Variants in KALRN observed in about 807,000 individuals in gnomAD.
KALRN encodes the protein kalirin.
KALRN carries 70 observed loss-of-function variants against 353.7 expected under a neutral mutation model. The ratio of observed to expected loss-of-function variants is 0.20; its 90% CI spans 0.16 to 0.24. The LOEUF (loss-of-function observed/expected upper bound fraction) is 0.24, where lower values mean the gene tolerates loss of function less well. Among genes scored for constraint, KALRN ranks in the 10% least tolerant of loss-of-function variants. The pLI, the probability that KALRN is intolerant of heterozygous loss-of-function variation, is 1.00. For synonymous variants in KALRN, 1,391 were observed against 1,434.8 expected (o/e 0.97, Z 0.69); for missense variants, 2,791 against 3,756.7 (o/e 0.74, Z 6.72).
At chr3:124,318,217 C>CTG in intron 6 of KALRN, among the ~76,000 whole-genome samples, 1 of 152,322 alleles carries the variant, frequency 6.6e-6, no homozygotes. Context: ...TGTTCCTTTT[C>CTG]TGTCTCCATC....
At chr3:124,391,871 C>T (rs578135580) in intron 11 of KALRN, among the ~76,000 whole-genome samples, 20 of 152,242 alleles carry the variant, frequency 1.3e-4, no homozygotes, top group Non-Finnish European at 2.1e-4. Context: ...AGGCTTTCCT[C>T]GGTTATCCTG....
chr3:124,345,718 T>C (rs1195533500), intron 9 of KALRN, among the ~76,000 whole-genome samples: 1 of 152,248 alleles, frequency 6.6e-6, no homozygotes, highest in Non-Finnish European at 1.5e-5. Context: ...AGTGGATATT[T>C]GTTAAGCCTC....
intron 59 of KALRN, among the ~76,000 whole-genome samples, chr3:124,717,864 T>G (rs992598268): frequency 6.6e-6 from 1 of 151,958 alleles, no homozygotes. Flanking sequence ...GAGGCTGAAG[T>G]GCAGTGGTGC....
chr3:124,281,170 G>C (rs1329617122), intron 5 of KALRN, among the ~76,000 whole-genome samples: 2 of 152,256 alleles, frequency 1.3e-5, no homozygotes, highest in Non-Finnish European at 1.5e-5. Flanking sequence ...TGGCCCCTTT[G>C]AAATCCCACT....
intron 1 of KALRN, chr3:124,094,774 G>A (rs1019382689): frequency 7.1e-7 from 1 of 1,409,642 alleles, no homozygotes; most frequent in Non-Finnish European, 1.0e-6. Flanking sequence ...GCCTCCTCGA[G>A]TCAGCGGTGG....
intron 1 of KALRN, among the ~76,000 whole-genome samples, chr3:124,091,116 G>A (rs536318221): frequency 2.0e-5 from 3 of 152,202 alleles, no homozygotes; most frequent in East Asian, 1.9e-4. Flanking sequence ...GGCGCTAATC[G>A]CCAAGGGGAC....
intron 20 of KALRN, 120 bp downstream of exon 20, chr3:124,446,396 G>A (rs2093840229): frequency 1.4e-6 from 1 of 696,676 alleles, no homozygotes; most frequent in East Asian, 2.6e-5. Flanking sequence ...GGGGAATAAA[G>A]AAGAAAGAAA....
intron 57 of KALRN, among the ~76,000 whole-genome samples, chr3:124,702,694 G>T (rs1485124353): frequency 6.6e-6 from 1 of 151,960 alleles, no homozygotes; most frequent in African/African-American, 2.4e-5. Flanking sequence ...CTAATTGTTG[G>T]ATATACATCT....
intron 1 of KALRN, among the ~76,000 whole-genome samples, chr3:124,070,958 A>G (rs2059987779): frequency 6.7e-6 from 1 of 148,180 alleles, no homozygotes; most frequent in Non-Finnish European, 1.5e-5. Flanking sequence ...TTAATTAGGG[A>G]TAGTTTCTGC....
At chr3:124,518,256 C>A in intron 33 of KALRN, 1 of 719,742 alleles carries the variant, frequency 1.4e-6, no homozygotes. Context: ...GTGTATTTTT[C>A]AGGTTGCACT....
At chr3:124,256,722 CTGTGGGCATCAG>C (rs1340654256) in intron 3 of KALRN, among the ~76,000 whole-genome samples, 1 of 152,174 alleles carries the variant, frequency 6.6e-6, no homozygotes, top group Non-Finnish European at 1.5e-5. Context: ...GGAGATGACT[CTGTGGGCATCAG>C]GTGTGGGCAG....
At chr3:124,240,285 T>A (rs1362024458) in intron 3 of KALRN, among the ~76,000 whole-genome samples, 1 of 152,216 alleles carries the variant, frequency 6.6e-6, no homozygotes, top group Non-Finnish European at 1.5e-5. Flanking sequence ...AGATGGAAGA[T>A]GCTGAGCTTC....
At chr3:124,333,327 G>C (rs777013626) in intron 8 of KALRN, among the ~76,000 whole-genome samples, 10 of 152,122 alleles carry the variant, frequency 6.6e-5, no homozygotes, top group Non-Finnish European at 2.9e-5. Flanking sequence ...CACTTGTCAG[G>C]CTCTATTCTA....
chr3:124,132,293 A>G (rs573576135), intron 1 of KALRN, among the ~76,000 whole-genome samples: 2 of 152,252 alleles, frequency 1.3e-5, no homozygotes, highest in South Asian at 4.1e-4. Flanking sequence ...AAAGCTGTGC[A>G]TTAGTAATGC....
intron 28 of KALRN, among the ~76,000 whole-genome samples, chr3:124,486,003 G>C (rs1325856376): frequency 6.6e-6 from 1 of 152,218 alleles, no homozygotes. Context: ...TTTTCATAAA[G>C]TCAGTTTTAT....
At chr3:124,651,041 A>G (rs2083359809) in intron 38 of KALRN, 103 bp downstream of exon 38, 2 of 1,377,496 alleles carry the variant, frequency 1.5e-6, no homozygotes, top group Non-Finnish European at 2.0e-6. Context: ...CGCTGTTTCC[A>G]CTGACATCTT....
chr3:124,158,223 A>G (rs564264884), intron 1 of KALRN, among the ~76,000 whole-genome samples: 1 of 152,142 alleles, frequency 6.6e-6, no homozygotes, highest in South Asian at 2.1e-4. Flanking sequence ...AGTAGATGGG[A>G]GTGTGTTTAC....
chr3:124,175,535 T>C (rs1314441039), intron 1 of KALRN, among the ~76,000 whole-genome samples: 4 of 151,184 alleles, frequency 2.6e-5, no homozygotes, highest in Non-Finnish European at 4.4e-5. Context: ...AGGCCTGTTC[T>C]CCAGGATGCG....
intron 58 of KALRN, among the ~76,000 whole-genome samples, chr3:124,715,836 A>G (rs2063110957): frequency 6.6e-6 from 1 of 152,250 alleles, no homozygotes; most frequent in Admixed American, 6.5e-5. Context: ...GTAAGAGGAC[A>G]GAGGGTGGCT....
Sources: gnomAD v4.1 joint callset for allele counts (sites outside exome capture counted in the v4.1 genomes callset) on GRCh38, gnomAD v4.1.1 for gene constraint, MANE v1.5 for transcripts, NCBI Gene and HGNC (gene_info 2026-07-23, HGNC 2026-07-21) for gene names.